Variants in KCNH7 observed in about 807,000 individuals in gnomAD.
The protein encoded by KCNH7 is potassium voltage-gated channel subfamily H member 7.
KCNH7 carries 49 observed loss-of-function variants against 120.8 expected under a neutral mutation model. The observed-to-expected ratio is 0.41, with a 90% CI of 0.32 to 0.51. The LOEUF (loss-of-function observed/expected upper bound fraction) is 0.51. Ranked by LOEUF, KCNH7 falls within the 20% of genes least tolerant of loss-of-function variation. The pLI is 0.38. For synonymous variants in KCNH7, 547 were observed against 516.1 expected, an observed-to-expected ratio of 1.06 and a Z score of -0.81; for missense variants, 1,097 against 1,446.6, an observed-to-expected ratio of 0.76 and a Z score of 3.92.
intron 6 of KCNH7, among the ~76,000 whole-genome samples, chr2:162,454,877 C>T (rs1448055050): frequency 6.6e-6 from 1 of 152,058 alleles, no homozygotes; most frequent in Non-Finnish European, 1.5e-5. Flanking sequence ...ATCATGTCAG[C>T]TGCCAAAAGA....
intron 2 of KCNH7, among the ~76,000 whole-genome samples, chr2:162,723,132 T>C (rs190395744): frequency 6.6e-6 from 1 of 152,100 alleles, no homozygotes; most frequent in Admixed American, 6.5e-5. Context: ...ATCTCTTTAT[T>C]AGTGTTAGTT....
intron 2 of KCNH7, among the ~76,000 whole-genome samples, chr2:162,582,386 G>T (rs2105918809): frequency 6.6e-6 from 1 of 152,204 alleles, no homozygotes; most frequent in Non-Finnish European, 1.5e-5. Context: ...CCCTTTAGTA[G>T]TAAGGAGTAG....
At chr2:162,709,089 C>T (rs1434208113) in intron 2 of KCNH7, among the ~76,000 whole-genome samples, 2 of 151,994 alleles carry the variant, frequency 1.3e-5, no homozygotes, top group East Asian at 1.9e-4. Flanking sequence ...CCCTACTATG[C>T]CCTAAGTTTC....
intron 2 of KCNH7, among the ~76,000 whole-genome samples, chr2:162,639,744 A>G (rs940629792): frequency 1.3e-5 from 2 of 152,104 alleles, no homozygotes; most frequent in African/African-American, 4.8e-5. Flanking sequence ...AAGAAAAGGA[A>G]GCACAAGCAT....
intron 1 of KCNH7, among the ~76,000 whole-genome samples, chr2:162,838,090 C>A (rs11889837): frequency 6.6e-6 from 1 of 152,108 alleles, no homozygotes; most frequent in Non-Finnish European, 1.5e-5. Flanking sequence ...GCTCTGCTTC[C>A]GACTTTCAGA....
At chr2:162,604,187 T>G (rs1024107642) in intron 2 of KCNH7, among the ~76,000 whole-genome samples, 19 of 152,130 alleles carry the variant, frequency 1.2e-4, no homozygotes, top group Non-Finnish European at 8.8e-5. Flanking sequence ...CTTCATTATT[T>G]CTTTAAGGAA....
chr2:162,531,992 T>C (rs752839150), intron 3 of KCNH7, among the ~76,000 whole-genome samples: 1 of 151,968 alleles, frequency 6.6e-6, no homozygotes, highest in Non-Finnish European at 1.5e-5. Flanking sequence ...TAAAGTTTTG[T>C]GATAAGGCTT....
chr2:162,443,575 C>T (rs1047704090), intron 7 of KCNH7, among the ~76,000 whole-genome samples: 2 of 152,200 alleles, frequency 1.3e-5, no homozygotes, highest in African/African-American at 4.8e-5. Context: ...GCCTTGGCAG[C>T]TCACCTCCAA....
At chr2:162,377,109 G>A (rs1053448996) in intron 14 of KCNH7, among the ~76,000 whole-genome samples, 7 of 152,074 alleles carry the variant, frequency 4.6e-5, no homozygotes, top group Non-Finnish European at 1.0e-4. Context: ...ACGTGTCCTG[G>A]GATTCTCGCT....
At chr2:162,736,784 A>G (rs1175317899) in intron 2 of KCNH7, among the ~76,000 whole-genome samples, 1 of 152,184 alleles carries the variant, frequency 6.6e-6, no homozygotes, top group East Asian at 1.9e-4. Flanking sequence ...AACTTTCTAA[A>G]GAAAATGAAC....
chr2:162,687,788 C>T (rs1030423662), intron 2 of KCNH7, among the ~76,000 whole-genome samples: 1 of 152,134 alleles, frequency 6.6e-6, no homozygotes, highest in Non-Finnish European at 1.5e-5. Flanking sequence ...TCTGTGCAAA[C>T]ATCACTAGAC....
intron 2 of KCNH7, among the ~76,000 whole-genome samples, chr2:162,687,884 G>T (rs530649542): frequency 1.3e-5 from 2 of 152,244 alleles, no homozygotes; most frequent in African/African-American, 2.4e-5. Context: ...AAAACTATGT[G>T]TATGTACAAT....
intron 2 of KCNH7, among the ~76,000 whole-genome samples, chr2:162,723,159 T>A (rs965538577): frequency 2.8e-4 from 43 of 151,742 alleles, no homozygotes; most frequent in Middle Eastern, 3.4e-3. Flanking sequence ...GATGTATCTG[T>A]TCCTTTGGGC....
chr2:162,389,234 C>G (rs962678826), intron 12 of KCNH7, among the ~76,000 whole-genome samples: 13 of 151,836 alleles, frequency 8.6e-5, no homozygotes, highest in Non-Finnish European at 1.9e-4. Context: ...GTAAGAGGGT[C>G]TTCGGAGCTC....
intron 6 of KCNH7, among the ~76,000 whole-genome samples, chr2:162,448,825 G>A (rs967451017): frequency 2.0e-5 from 3 of 152,162 alleles, no homozygotes; most frequent in South Asian, 2.1e-4. Flanking sequence ...CTGAGATCTT[G>A]GAGTTTGTAG....
At chr2:162,685,211 G>A (rs189426348) in intron 2 of KCNH7, among the ~76,000 whole-genome samples, 5 of 152,134 alleles carry the variant, frequency 3.3e-5, no homozygotes, top group African/African-American at 1.2e-4. Context: ...GGGGAACTAG[G>A]GGAGGGATAG....
intron 3 of KCNH7, among the ~76,000 whole-genome samples, chr2:162,534,207 A>C (rs1302127398): frequency 6.6e-6 from 1 of 151,510 alleles, no homozygotes; most frequent in Non-Finnish European, 1.5e-5. Context: ...CAAAAAACTG[A>C]AAGAATGAAA....
intron 2 of KCNH7, among the ~76,000 whole-genome samples, chr2:162,703,210 A>G (rs1686576508): frequency 6.6e-6 from 1 of 152,258 alleles, no homozygotes; most frequent in African/African-American, 2.4e-5. Context: ...TAGATGCCCC[A>G]AAAAACCCAT....
At chr2:162,670,852 T>C (rs573895018) in intron 2 of KCNH7, among the ~76,000 whole-genome samples, 1 of 151,978 alleles carries the variant, frequency 6.6e-6, no homozygotes, top group South Asian at 2.1e-4. Context: ...GTAATCATGA[T>C]AAATTTAACT....
Sources: allele counts gnomAD v4.1 joint callset (sites outside exome capture counted in the v4.1 genomes callset), GRCh38; gene constraint gnomAD v4.1.1; transcripts MANE v1.5; gene names NCBI Gene and HGNC (gene_info 2026-07-23, HGNC 2026-07-21).